Variants in IL1RAPL2 observed in about 807,000 individuals in gnomAD.
IL1RAPL2 encodes X-linked interleukin-1 receptor accessory protein-like 2.
A neutral mutation model predicts 44.1 loss-of-function variants in IL1RAPL2; 3 were observed. The observed-to-expected ratio is 0.07, with a 90% CI of 0.03 to 0.18. The LOEUF is 0.18. Ranked by LOEUF, IL1RAPL2 falls within the 10% of genes least tolerant of loss-of-function variation. IL1RAPL2 has a pLI of 1.00. For missense variants in IL1RAPL2, 391 were observed against 496.4 expected, an observed-to-expected ratio of 0.79 and a Z score of 2.02; for synonymous variants, 181 against 178.8, an observed-to-expected ratio of 1.01 and a Z score of -0.10.
At chrX:105,085,208 A>T (rs1032701607) in intron 2 of IL1RAPL2, among the ~76,000 whole-genome samples, 4 of 112,354 alleles carry the variant, frequency 3.6e-5, no homozygotes, top group African/African-American at 1.3e-4. Flanking sequence ...AATCTTCTAC[A>T]CAGCGAAGGA....
At chrX:104,695,560 G>A (rs1055069533) in intron 2 of IL1RAPL2, among the ~76,000 whole-genome samples, 7 of 101,860 alleles carry the variant, frequency 6.9e-5, no homozygotes, top group Non-Finnish European at 1.4e-4. Context: ...TGAATCTAAT[G>A]GGTGGCCTAG....
At chrX:104,611,265 C>G (rs1436703817) in intron 1 of IL1RAPL2, among the ~76,000 whole-genome samples, 1 of 111,362 alleles carries the variant, frequency 9.0e-6, no homozygotes, top group African/African-American at 3.3e-5. Context: ...CACAGAGCAC[C>G]TTCCCCCAGG....
Position 105,208,873 on chromosome X carries a change from A to G in IL1RAPL2, c.356+13125A>G, listed in dbSNP as rs868962707. Among the ~76,000 whole-genome samples the G allele has an allele frequency of 7.9e-4, 88 of 111,722 alleles. No individual in the cohort carries two copies. The Middle Eastern group carries it at 0.014, about 18-fold the overall frequency. On this transcript the variant is annotated intron_variant, in intron 3 of 10. Transcript: ENST00000372582. ...GAGCAAGAGATCTCTCCTCCTTTTA[A>G]GCTCAATCTAAAGCTTGCCACTTAA...
chrX:105,282,739 A>G (rs1429017854), intron 5 of IL1RAPL2, among the ~76,000 whole-genome samples: 1 of 111,743 alleles, frequency 8.9e-6, no homozygotes, highest in African/African-American at 3.2e-5. Flanking sequence ...GGAAAATGAG[A>G]TAGAAGGGCA....
chrX:105,423,494 T>C (rs1415391701), intron 5 of IL1RAPL2, among the ~76,000 whole-genome samples: 2 of 111,433 alleles, frequency 1.8e-5, no homozygotes, highest in Non-Finnish European at 3.8e-5. Context: ...TAGAGAGACT[T>C]TGTTACCCAT....
chrX:105,074,443 A>G (rs1425379026), intron 2 of IL1RAPL2, among the ~76,000 whole-genome samples: 2 of 111,543 alleles, frequency 1.8e-5, no homozygotes, highest in Non-Finnish European at 3.8e-5. Flanking sequence ...TGGTTAGTGT[A>G]GCTTGCAGTA....
intron 5 of IL1RAPL2, among the ~76,000 whole-genome samples, chrX:105,356,829 T>G (rs222595): frequency 0.016 from 1,764 of 112,036 alleles, 13 homozygotes; most frequent in Middle Eastern, 0.064. Flanking sequence ...CAGTTTCCTC[T>G]CTCCCCAATT....
chrX:105,262,582 A>C (rs2034367972), intron 4 of IL1RAPL2, among the ~76,000 whole-genome samples: 1 of 111,700 alleles, frequency 9.0e-6, no homozygotes, highest in Non-Finnish European at 1.9e-5. Flanking sequence ...AAATAGGTGA[A>C]GCAACTGAAG....
At chrX:104,743,318 C>CCAT (rs1555987416) in intron 2 of IL1RAPL2, among the ~76,000 whole-genome samples, 1 of 62,946 alleles carries the variant, frequency 1.6e-5, no homozygotes, top group African/African-American at 1.1e-4. Context: ...TGGTTTCAAA[C>CCAT]TATTTTTTTT....
At chrX:104,680,804 C>T (rs1182727922) in intron 2 of IL1RAPL2, among the ~76,000 whole-genome samples, 1 of 111,595 alleles carries the variant, frequency 9.0e-6, no homozygotes, top group East Asian at 2.8e-4. Context: ...TTCTTCCCTG[C>T]CCTATATGAA....
intron 6 of IL1RAPL2, among the ~76,000 whole-genome samples, chrX:105,500,974 A>T (rs1377191400): frequency 4.5e-5 from 5 of 111,755 alleles, no homozygotes; most frequent in African/African-American, 1.6e-4. Flanking sequence ...CTTATGAATT[A>T]TCCTGTCCCA....
At chrX:105,317,890 A>G (rs893794578) in intron 5 of IL1RAPL2, among the ~76,000 whole-genome samples, 2 of 111,427 alleles carry the variant, frequency 1.8e-5, no homozygotes, top group Middle Eastern at 4.7e-3. Flanking sequence ...TAATTTGCCT[A>G]TATTCACACA....
At chrX:104,825,395 A>G (rs758322043) in intron 2 of IL1RAPL2, among the ~76,000 whole-genome samples, 5 of 112,201 alleles carry the variant, frequency 4.5e-5, no homozygotes, top group African/African-American at 1.3e-4. Context: ...GTTGAGGTCA[A>G]TAGCTCAGAT....
intron 2 of IL1RAPL2, among the ~76,000 whole-genome samples, chrX:105,132,813 A>T (rs1354018210): frequency 9.0e-6 from 1 of 111,641 alleles, no homozygotes; most frequent in Non-Finnish European, 1.9e-5. Context: ...GGGCAAACTT[A>T]CTAGGGGGAG....
At chrX:104,617,218 G>A (rs967463523) in intron 1 of IL1RAPL2, among the ~76,000 whole-genome samples, 3 of 111,891 alleles carry the variant, frequency 2.7e-5, no homozygotes, top group African/African-American at 6.5e-5. Context: ...GGCTTTTAAG[G>A]CTTCTGCTGA....
intron 6 of IL1RAPL2, among the ~76,000 whole-genome samples, chrX:105,610,232 A>G (rs1407995211): frequency 8.9e-6 from 1 of 111,929 alleles, no homozygotes; most frequent in East Asian, 2.8e-4. Context: ...ACAGTGACTT[A>G]TTTTGTTCAC....
intron 2 of IL1RAPL2, among the ~76,000 whole-genome samples, chrX:104,674,743 G>C (rs1930706600): frequency 9.1e-6 from 1 of 109,741 alleles, no homozygotes; most frequent in African/African-American, 3.3e-5. Context: ...CTTTTTGGTT[G>C]GTAAGCTATT....
chrX:104,826,894 T>A (rs1410320200), intron 2 of IL1RAPL2, among the ~76,000 whole-genome samples: 2 of 107,436 alleles, frequency 1.9e-5, no homozygotes, highest in Non-Finnish European at 3.8e-5. Context: ...TGATCTTTGT[T>A]GGTTGAAAGT....
intron 5 of IL1RAPL2, among the ~76,000 whole-genome samples, chrX:105,475,426 T>C (rs1469251123): frequency 9.0e-6 from 1 of 111,173 alleles, no homozygotes; most frequent in African/African-American, 3.3e-5. Context: ...CAGAGCCAAA[T>C]GATGATCTTT....
Sources: gnomAD v4.1 joint callset for allele counts (sites outside exome capture counted in the v4.1 genomes callset) on GRCh38, gnomAD v4.1.1 for gene constraint, MANE v1.5 for transcripts, NCBI Gene and HGNC (gene_info 2026-07-23, HGNC 2026-07-21) for gene names.